The following ITPR2 variants were observed in gnomAD, a reference collection of about 807,000 sequenced individuals.
ITPR2 encodes inositol 1,4,5-trisphosphate-gated calcium channel ITPR2.
In ITPR2, 207 loss-of-function variants were observed where a neutral mutation model predicts 317.1. The observed-to-expected ratio is 0.65, with a 90% CI of 0.58 to 0.73. The LOEUF is 0.73. Ranked by LOEUF, ITPR2 falls within the 30% of genes least tolerant of loss-of-function variation. The pLI, the probability that ITPR2 is intolerant of heterozygous loss-of-function variation, is 0.00. For synonymous variants in ITPR2, 1,156 were observed against 1,149.1 expected, an observed-to-expected ratio of 1.01 and a Z score of -0.12; for missense variants, 2,613 against 3,284.0, an observed-to-expected ratio of 0.80 and a Z score of 4.99.
chr12:26,777,887 A>G (rs7295937), intron 2 of ITPR2, among the ~76,000 whole-genome samples: 17,249 of 152,166 alleles, frequency 0.11, 2,043 homozygotes, highest in East Asian at 0.49. Context: ...GTAACTGTGC[A>G]CTGGAGAAAG....
Position 26,691,158 on chromosome 12 carries a change from C to A in ITPR2, c.996+4448G>T, listed in dbSNP as rs11831465. On this transcript the variant is annotated intron_variant, in intron 10 of 56. Transcript: ENST00000381340. The stretch of plus-strand genomic sequence containing the variant: ...ACTCCTTGGAATGTGCCCCTCAAGC[C>A]AGCCTCTAATGACATCTGAATAACG... Among the ~76,000 whole-genome samples the A allele has an allele frequency of 3.8e-3, 584 of 152,302 alleles. 4 individuals are homozygous for A. The highest frequency in any genetic ancestry group is 0.013 in the African/African-American group (550 of 41,566).
Position 26,340,297 on chromosome 12 carries a change from C to T in ITPR2, c.7889G>A (p.Arg2630Gln), listed in dbSNP as rs1333120078. Reference sequence around the variant, plus strand: ...TTCATTGCTAACGAGGGACATGGCTCGCATCCGAGGAAACCAATCCAAATT... The same window carrying T: ...TTCATTGCTAACGAGGGACATGGCTTGCATCCGAGGAAACCAATCCAAATT... The part of the protein sequence containing the change: ...EKNLDWFPRM[R>Q]AMSLVSNEGD... The change falls in exon 56 of 57, where the codon CGA becomes CAA. Residue 2630 changes from arginine to glutamine, a missense_variant. This residue lies in a region of ITPR2 where 119 missense variants were observed against 144.3 expected (regional missense o/e 0.82). Coordinates refer to ENST00000381340, the MANE Select transcript of ITPR2 (RefSeq NM_002223.4). 8.1e-6 allele frequency: 13 copies of T among 1,606,200 alleles called. No individual in the cohort carries two copies. The highest frequency in any genetic ancestry group is 2.2e-5 in the East Asian group (1 of 44,486).
At chr12:26,814,188 A>G (rs1565785380) in intron 1 of ITPR2, among the ~76,000 whole-genome samples, 1 of 152,210 alleles carries the variant, frequency 6.6e-6, no homozygotes, top group Admixed American at 6.5e-5. Flanking sequence ...GCCATAAACA[A>G]AACACCTGCG....
At chr12:26,467,776 T>C (rs1233518558) in intron 45 of ITPR2, among the ~76,000 whole-genome samples, 1 of 152,174 alleles carries the variant, frequency 6.6e-6, no homozygotes, top group African/African-American at 2.4e-5. Context: ...CTAGATTGCA[T>C]TTTTTATTGT....
At chr12:26,354,497 C>T (rs1938572835) in intron 55 of ITPR2, among the ~76,000 whole-genome samples, 1 of 152,116 alleles carries the variant, frequency 6.6e-6, no homozygotes, top group Middle Eastern at 3.2e-3. Flanking sequence ...CTGCTGTCAT[C>T]TGATTGTACT....
chr12:26,641,656 C>G (rs987550855), intron 21 of ITPR2, among the ~76,000 whole-genome samples: 1 of 152,112 alleles, frequency 6.6e-6, no homozygotes, highest in Non-Finnish European at 1.5e-5. Context: ...TAGAGGTGTG[C>G]TAGGTATTCT....
intron 45 of ITPR2, among the ~76,000 whole-genome samples, chr12:26,460,484 G>C (rs1941991304): frequency 6.6e-6 from 1 of 152,176 alleles, no homozygotes; most frequent in African/African-American, 2.4e-5. Context: ...GTAACAATCA[G>C]CTTAGGTTGG....
chr12:26,670,107 C>T (rs1023964415), intron 13 of ITPR2, among the ~76,000 whole-genome samples: 3 of 152,248 alleles, frequency 2.0e-5, no homozygotes, highest in Non-Finnish European at 4.4e-5. Context: ...GTAGGCTCCA[C>T]CTCTGGGGGC....
intron 11 of ITPR2, 136 bp downstream of exon 11, chr12:26,686,345 A>G: frequency 2.0e-6 from 1 of 504,824 alleles, no homozygotes; most frequent in Non-Finnish European, 3.2e-6. Context: ...CAGAAGAGAT[A>G]CAATGTTTTA....
chr12:26,509,031 A>C (rs1195552975), intron 37 of ITPR2, among the ~76,000 whole-genome samples: 2 of 152,266 alleles, frequency 1.3e-5, no homozygotes, highest in East Asian at 3.8e-4. Context: ...TGGTATATGC[A>C]CATAATAGAA....
intron 37 of ITPR2, 122 bp downstream of exon 37, chr12:26,550,125 A>C (rs1168495472): frequency 2.1e-6 from 1 of 481,068 alleles, no homozygotes; most frequent in African/African-American, 2.0e-5. Flanking sequence ...TAATTCATCT[A>C]AGTACATGCA....
intron 44 of ITPR2, among the ~76,000 whole-genome samples, chr12:26,476,612 C>G (rs1179860183): frequency 6.6e-6 from 1 of 151,998 alleles, no homozygotes; most frequent in Non-Finnish European, 1.5e-5. Flanking sequence ...TCCAATACAC[C>G]ATTAAACCAA....
In ITPR2 at chr12:26,415,445, G is replaced by A. The variant is rs747319892; in HGVS notation, c.7164C>T (p.Val2388=). 6.2e-7 allele frequency: 1 copy of A among 1,610,612 alleles called. No homozygotes were observed. The highest frequency in any genetic ancestry group is 1.1e-5 in the South Asian group (1 of 90,610). The change falls in exon 51 of 57, where the codon GTC becomes GTT. Residue 2388 remains valine (V), a synonymous_variant. Transcript: ENST00000381340. ...GAATAATAGAGCGGCCATTTCGTGT[G>A]ACACTTTTTATGACATTCAGCAAAG... is the stretch of plus-strand genomic sequence containing the variant. ...EETLLNVIKS[V]TRNGRSIILT...
At chr12:26,399,194 T>C (rs1443009386) in intron 53 of ITPR2, among the ~76,000 whole-genome samples, 153 bp from the exon 54 acceptor site, 1 of 152,230 alleles carries the variant, frequency 6.6e-6, no homozygotes, top group Non-Finnish European at 1.5e-5. Context: ...CTACTTTAAG[T>C]GTTGTAAGAA....
At chr12:26,340,416 C>G in intron 55 of ITPR2, 88 bp from the exon 56 acceptor site, 1 of 1,328,296 alleles carries the variant, frequency 7.5e-7, no homozygotes, top group Non-Finnish European at 1.0e-6. Flanking sequence ...ACATTTAAAC[C>G]AAAGTCTCTT....
chr12:26,452,102 C>A (rs79267083), intron 45 of ITPR2, among the ~76,000 whole-genome samples: 1 of 152,070 alleles, frequency 6.6e-6, no homozygotes, highest in East Asian at 1.9e-4. Flanking sequence ...AAGGAGTACA[C>A]CCCTCTCCCC....
intron 20 of ITPR2, among the ~76,000 whole-genome samples, chr12:26,655,124 G>A (rs1947341647): frequency 6.6e-6 from 1 of 152,020 alleles, no homozygotes; most frequent in South Asian, 2.1e-4. Context: ...ATTCAGTTTG[G>A]TGAAAATAAA....
intron 13 of ITPR2, among the ~76,000 whole-genome samples, chr12:26,673,644 A>T (rs1356265522): frequency 1.3e-5 from 2 of 151,238 alleles, no homozygotes; most frequent in African/African-American, 4.9e-5. Flanking sequence ...CAAGACAGGG[A>T]TGCCCTCTCT....
intron 13 of ITPR2, among the ~76,000 whole-genome samples, chr12:26,670,399 T>C (rs1166423707): frequency 6.6e-6 from 1 of 152,158 alleles, no homozygotes. Flanking sequence ...CACGAAAAAC[T>C]GCTGTTATAC....
Sources: gnomAD v4.1 joint callset for allele counts (sites outside exome capture counted in the v4.1 genomes callset) on GRCh38, gnomAD v4.1.1 for gene constraint, gnomAD v4.1.1 regional missense constraint, MANE v1.5 for transcripts, NCBI Gene and HGNC (gene_info 2026-07-23, HGNC 2026-07-21) for gene names.